PEX26: variants seen among roughly 807,000 people sequenced by gnomAD.
PEX26 encodes the protein peroxisome assembly protein 26.
In PEX26, 18 loss-of-function variants were observed where a neutral mutation model predicts 31.4. The ratio of observed to expected loss-of-function variants is 0.57; its 90% confidence interval spans 0.40 to 0.85. PEX26 has a LOEUF of 0.85. PEX26 is among the 40% of genes least tolerant of loss of function. PEX26 has a pLI of 0.00. For missense variants in PEX26, 377 were observed against 383.9 expected, an observed-to-expected ratio of 0.98 and a Z score of 0.15; for synonymous variants, 176 against 166.9, an observed-to-expected ratio of 1.05 and a Z score of -0.42.
At position 18,078,045 on chromosome 22, in the gene PEX26, G is replaced by A. The variant is rs1441559794; in HGVS notation, c.-332G>A. The A allele has an allele frequency of 5.9e-6, 3 of 510,600 alleles. No individual in the cohort carries two copies. The highest frequency in any genetic ancestry group is 4.6e-5 in the Admixed American group (2 of 43,152). 31.6% of individuals were successfully genotyped at this position (510,600 alleles called of 1,614,324 possible). Reference sequence around the variant, plus strand: ...ATGTCCGCGCCCGCTGCCGGGAGGCGAGGTGAGTCTTTGATCGTAACCAGG... The same window carrying A: ...ATGTCCGCGCCCGCTGCCGGGAGGCAAGGTGAGTCTTTGATCGTAACCAGG... On this transcript the variant is annotated 5_prime_UTR_variant, in exon 1 of 5. Coordinates refer to ENST00000399744, the MANE Select transcript of PEX26 (RefSeq NM_001127649.3).
chr22:18,085,381 C>CT, intron 4 of PEX26, 123 bp downstream of exon 4: 1 of 1,018,768 alleles, frequency 9.8e-7, no homozygotes, highest in Non-Finnish European at 1.5e-6. Flanking sequence ...GACATTTCCC[C>CT]TGAGTCTGTT....
chr22:18,080,050 G>A (rs775894383), intron 2 of PEX26, 36 bp downstream of exon 2: 2 of 1,611,208 alleles, frequency 1.2e-6, no homozygotes, highest in South Asian at 2.2e-5. Flanking sequence ...GATCGGTTCA[G>A]AAACGAGAGG....
Position 18,101,616 on chromosome 22 carries a change from C to A in PEX26, c.*13541C>A. ...TGGACCCTTCCCTAATGCCCAGGAT[C>A]AAGAAAAGAATGTGGCCACCTTCCA... On this transcript the variant is annotated 3_prime_UTR_variant, in exon 5 of 5. Transcript: ENST00000399744. 1 of 196,440 alleles carries A rather than the reference C, an allele frequency of 5.1e-6. No homozygotes were observed. Among genetic ancestry groups the A allele is most frequent in the South Asian group, 1.3e-4 (1 of 7,922 alleles). The allele number at this position is 196,440 out of a possible 1,614,324, so 12.2% of individuals were successfully genotyped here.
chr22:18,096,975 G>A lies in PEX26; in HGVS notation c.*8900G>A, dbSNP rs1389419622. The A allele has an allele frequency of 6.6e-6, 1 of 152,224 alleles. No individual in the cohort carries two copies. The highest frequency in any genetic ancestry group is 1.5e-5 in the Non-Finnish European group (1 of 68,070). 9.4% of individuals were successfully genotyped at this position (152,224 alleles called of 1,614,324 possible). A position where few individuals can be genotyped will look rare whatever the true frequency, so the allele number is the denominator to read the frequency against. The stretch of plus-strand genomic sequence containing the variant: ...CAGGAAACAAGCAGTCATAGTGGAA[G>A]GCAAAGGGGAAGCAAGGCACATCTT... On this transcript the variant is annotated 3_prime_UTR_variant, in exon 5 of 5. Coordinates refer to ENST00000399744, the MANE Select transcript of PEX26 (RefSeq NM_001127649.3).
chr22:18,081,281 T>C (rs966011896), intron 2 of PEX26, among the ~76,000 whole-genome samples: 4 of 88,196 alleles, frequency 4.5e-5, no homozygotes, highest in East Asian at 4.9e-4. Context: ...CACACACACA[T>C]TATCCATTCA....
Position 18,080,025 on chromosome 22 carries a change from T to C in PEX26, c.371+11T>C, listed in dbSNP as rs1926489933. ...AGTCCTGGAGCTGTGGTAAGTCTTCTTTGCTGACTCATCAGATCGGTTCAG... is the reference window on the plus strand; with the variant it reads ...AGTCCTGGAGCTGTGGTAAGTCTTCCTTGCTGACTCATCAGATCGGTTCAG... On this transcript the variant is annotated intron_variant, in intron 2 of 4. Transcript: ENST00000399744. The C allele has an allele frequency of 6.2e-7, 1 of 1,614,090 alleles. No homozygotes were observed. The highest frequency in any genetic ancestry group is 8.5e-7 in the Non-Finnish European group (1 of 1,179,974).
chr22:18,078,158 C>A lies in PEX26; in HGVS notation c.-219C>A, dbSNP rs1161433337. On this transcript the variant is annotated 5_prime_UTR_variant, in exon 1 of 5. The change creates a new upstream start codon in the 5' untranslated region. Transcript: ENST00000399744. ...CCAGGGATGCAAGAATCCTGCAAAT[C>A]TGACGTGTAAACTGCTTCCCCAGCC... The A allele has an allele frequency of 5.8e-6, 4 of 692,798 alleles. No homozygotes were observed. Among genetic ancestry groups the A allele is most frequent in the Non-Finnish European group, 7.9e-6 (3 of 378,944 alleles). 42.9% of individuals were successfully genotyped at this position (692,798 alleles called of 1,614,324 possible).
Position 18,083,996 on chromosome 22 carries a change from T to C in PEX26, c.667+264T>C, listed in dbSNP as rs11914004. ...TTGTCTTTTGAAAGTCATTTTCCCA[T>C]TGGAGTCCTCTGATGAGGTCTCTTG... On this transcript the variant is annotated intron_variant, in intron 3 of 4. Transcript: ENST00000399744. Among the ~76,000 whole-genome samples, 1,204 of 152,292 alleles carry C rather than the reference T, an allele frequency of 7.9e-3. 17 individuals are homozygous for C. The highest frequency in any genetic ancestry group is 0.027 in the African/African-American group (1,132 of 41,570).
intron 3 of PEX26, among the ~76,000 whole-genome samples, chr22:18,084,231 C>CTG (rs1926738710): frequency 9.3e-6 from 1 of 108,008 alleles, no homozygotes; most frequent in South Asian, 3.7e-4. Context: ...GTCACCATCT[C>CTG]TCTCTCTTTT....
At chr22:18,083,819 C>A in intron 3 of PEX26, 87 bp downstream of exon 3, 3 of 1,239,922 alleles carry the variant, frequency 2.4e-6, no homozygotes, top group Middle Eastern at 2.6e-4. Flanking sequence ...CTCCTGCGAG[C>A]TTAGAAGCAG....
At position 18,095,894 on chromosome 22, in the gene PEX26, C is replaced by G. The variant is rs1927277347; in HGVS notation, c.*7819C>G. The G allele has an allele frequency of 6.6e-6, 1 of 152,064 alleles. No individual in the cohort carries two copies. The allele number at this position is 152,064 out of a possible 1,614,324, so 9.4% of individuals were successfully genotyped here. A position where few individuals can be genotyped will look rare whatever the true frequency, so the allele number is the denominator to read the frequency against. ...CTGGAGGGCAGTGGCATGATCTCGACACACTGCAACATCCACTTCCTAGGT... is the reference window on the plus strand; with the variant it reads ...CTGGAGGGCAGTGGCATGATCTCGAGACACTGCAACATCCACTTCCTAGGT... On this transcript the variant is annotated 3_prime_UTR_variant, in exon 5 of 5. Transcript: ENST00000399744.
Position 18,085,240 on chromosome 22 carries a change from G to A in PEX26, c.796G>A (p.Val266Met), listed in dbSNP as rs1449295777. ...LLAALILCLL[V>M]VRFDPASPSS... ...GGCTGCCTTGATCCTCTGTCTCCTG[G>A]TGGTGAGATTTGATCCAGGTAAGAG... Residue 266 changes from valine to methionine, a missense_variant, in exon 4 of 5, where the codon GTG becomes ATG. Physicochemically the swap from Val to Met is conservative, Grantham distance 21. Transcript: ENST00000399744. 2 of 1,614,118 alleles carry A rather than the reference G, an allele frequency of 1.2e-6. No individual in the cohort carries two copies.
In PEX26 at chr22:18,100,473, T is replaced by C. The variant is rs1927420844; in HGVS notation, c.*12398T>C. ...GTACCTCATTTACCTCAAATATACCTCATGGTCCGAAAGTATTTAGTCAGC... is the reference window on the plus strand; with the variant it reads ...GTACCTCATTTACCTCAAATATACCCCATGGTCCGAAAGTATTTAGTCAGC... On this transcript the variant is annotated 3_prime_UTR_variant, in exon 5 of 5. Coordinates refer to ENST00000399744, the MANE Select transcript of PEX26 (RefSeq NM_001127649.3). The C allele has an allele frequency of 6.6e-6, 1 of 152,144 alleles. No individual in the cohort carries two copies. Among genetic ancestry groups the C allele is most frequent in the African/African-American group, 2.4e-5 (1 of 41,428 alleles). The allele number at this position is 152,144 out of a possible 1,614,324, so 9.4% of individuals were successfully genotyped here. A position where few individuals can be genotyped will look rare whatever the true frequency, so the allele number is the denominator to read the frequency against.
intron 4 of PEX26, among the ~76,000 whole-genome samples, chr22:18,087,276 T>C (rs1241135526): frequency 6.6e-6 from 1 of 152,154 alleles, no homozygotes; most frequent in Non-Finnish European, 1.5e-5. Flanking sequence ...GGTTTCGCCA[T>C]GTTTGCCAGG....
rs1208090749 is a variant in PEX26 at position 18,098,546 on chromosome 22, C to T, written c.*10471C>T. 1 of 151,856 alleles carries T rather than the reference C, an allele frequency of 6.6e-6. No individual in the cohort carries two copies. The highest frequency in any genetic ancestry group is 2.4e-5 in the African/African-American group (1 of 41,284). 9.4% of individuals were successfully genotyped at this position (151,856 alleles called of 1,614,324 possible). On this transcript the variant is annotated 3_prime_UTR_variant, in exon 5 of 5. Transcript: ENST00000399744. ...CAGGAGGAGGCTGAGGCAGGAGAATCTCTGGAACCTGGGAGGCAGAGGTTG... is the reference window on the plus strand; with the variant it reads ...CAGGAGGAGGCTGAGGCAGGAGAATTTCTGGAACCTGGGAGGCAGAGGTTG...
intron 2 of PEX26, chr22:18,081,458 T>C (rs1483129260): frequency 6.5e-6 from 1 of 153,548 alleles, no homozygotes; most frequent in Admixed American, 6.5e-5. Flanking sequence ...CAGTTCCCTG[T>C]ACCTAGAAGA....
In PEX26 at chr22:18,104,647, GCA is replaced by G. The variant is rs1176712870; in HGVS notation, c.*16575_*16576del. ...TGAGTTCCCAGCCTCAGTGTTCTCTGCACAGTCTGTCACTGACTCCCGCTCCC... is the reference window on the plus strand; with the variant it reads ...TGAGTTCCCAGCCTCAGTGTTCTCTGCAGTCTGTCACTGACTCCCGCTCCC... On this transcript the variant is annotated 3_prime_UTR_variant, in exon 5 of 5. Transcript: ENST00000399744. The G allele has an allele frequency of 6.6e-6, 1 of 152,352 alleles. No homozygotes were observed. Among genetic ancestry groups the G allele is most frequent in the Non-Finnish European group, 1.5e-5 (1 of 68,156 alleles). The allele number at this position is 152,352 out of a possible 1,614,324, so 9.4% of individuals were successfully genotyped here. A position where few individuals can be genotyped will look rare whatever the true frequency, so the allele number is the denominator to read the frequency against.
Position 18,094,001 on chromosome 22 carries a change from A to T in PEX26, c.*5926A>T, listed in dbSNP as rs564395394. 1.3e-5 allele frequency: 2 copies of T among 152,346 alleles called. No individual in the cohort carries two copies. The highest frequency in any genetic ancestry group is 3.9e-4 in the East Asian group (2 of 5,186). The allele number at this position is 152,346 out of a possible 1,614,324, so 9.4% of individuals were successfully genotyped here. On this transcript the variant is annotated 3_prime_UTR_variant, in exon 5 of 5. Transcript: ENST00000399744. ...CTGGATCCAAATATGTGGGGTTGGG[A>T]TTCTGTGACCTACTTCCAATTTTAA...
intron 4 of PEX26, among the ~76,000 whole-genome samples, chr22:18,086,395 T>C (rs962589744): frequency 3.3e-5 from 5 of 152,224 alleles, no homozygotes; most frequent in African/African-American, 1.2e-4. Context: ...TCTATGGATA[T>C]AGAGATTGTA....
Sources: allele counts gnomAD v4.1 joint callset (sites outside exome capture counted in the v4.1 genomes callset), GRCh38; gene constraint gnomAD v4.1.1; transcripts MANE v1.5; gene names NCBI Gene and HGNC (gene_info 2026-07-23, HGNC 2026-07-21).